Variants in SDK2 observed in about 807,000 individuals in gnomAD.
SDK2 encodes protein sidekick-2.
In SDK2, 105 loss-of-function variants were observed where a neutral mutation model predicts 253.9. That is an observed-to-expected ratio of 0.41 (90% CI 0.35 to 0.49). The LOEUF is 0.49. SDK2 is among the 20% of genes least tolerant of loss of function. The pLI, the probability that SDK2 is intolerant of heterozygous loss-of-function variation, is 0.06. For missense variants in SDK2, 2,608 were observed against 3,003.0 expected, an observed-to-expected ratio of 0.87 and a Z score of 3.07; for synonymous variants, 1,249 against 1,234.9, an observed-to-expected ratio of 1.01 and a Z score of -0.24.
chr17:73,526,625 A>G (rs1179189886), intron 1 of SDK2, among the ~76,000 whole-genome samples: 1 of 151,950 alleles, frequency 6.6e-6, no homozygotes, highest in East Asian at 1.9e-4. Flanking sequence ...GTGTGTGTGT[A>G]CATAGGTGTG....
In SDK2 at chr17:73,433,006, C is replaced by G. The variant is rs190299727; in HGVS notation, c.1312+726G>C. On this transcript the variant is annotated intron_variant, in intron 10 of 44. Transcript: ENST00000392650. Reference sequence around the variant, plus strand: ...GTTCCGCCATCTGGAGCCCTCTGAGCTGCCTGGGGTAGGAGACTGGCAGCA... The same window carrying G: ...GTTCCGCCATCTGGAGCCCTCTGAGGTGCCTGGGGTAGGAGACTGGCAGCA... 5.3e-5 allele frequency among the ~76,000 whole-genome samples: 8 copies of G among 152,238 alleles called. No homozygotes were observed. The East Asian group carries it at 1.5e-3, about 29-fold the overall frequency.
chr17:73,415,691 G>C, intron 17 of SDK2, 120 bp downstream of exon 17: 1 of 840,430 alleles, frequency 1.2e-6, no homozygotes, highest in Non-Finnish European at 1.8e-6. Flanking sequence ...GTCTCCCTAT[G>C]TTGCCCAGGC....
chr17:73,460,015 T>G (rs56808032), intron 3 of SDK2, among the ~76,000 whole-genome samples: 2,920 of 152,330 alleles, frequency 0.019, 108 homozygotes, highest in African/African-American at 0.065. Context: ...TACAGTATGA[T>G]GGACATTCCT....
chr17:73,388,540 C>T (rs888702282), intron 29 of SDK2, among the ~76,000 whole-genome samples: 6 of 152,106 alleles, frequency 3.9e-5, no homozygotes, highest in Non-Finnish European at 8.8e-5. Flanking sequence ...GACTCTGTGG[C>T]GGGGGCATCC....
intron 3 of SDK2, among the ~76,000 whole-genome samples, chr17:73,469,988 GCGCGCACACACACACACACA>G (rs1340056829): frequency 8.9e-6 from 1 of 112,366 alleles, no homozygotes; most frequent in Non-Finnish European, 1.8e-5. Context: ...GACTGCGCGC[GCGCGCACACACACACACACA>G]CACACACACA....
chr17:73,476,058 G>A (rs2063683963), intron 2 of SDK2, among the ~76,000 whole-genome samples: 1 of 152,198 alleles, frequency 6.6e-6, no homozygotes, highest in Non-Finnish European at 1.5e-5. Context: ...GTTGCAGTGA[G>A]CTGAGATTGC....
rs746344734 is a variant in SDK2, at chr17:73,338,835, G to C, written c.6271C>G (p.Gln2091Glu). The change falls in exon 45 of 45, where the codon CAG (glutamine) becomes GAG (glutamate). Residue 2091 changes from glutamine to glutamate, a missense_variant. Physicochemically the swap from Gln to Glu is conservative, Grantham distance 29. Around this residue, in one of 2 missense-constraint regions of SDK2, gnomAD observed 1,103 missense variants for 1,143.9 expected, o/e 0.96. Transcript: ENST00000392650. The surrounding 1 kb of genome is among the most constrained non-coding windows in gnomAD (Gnocchi z 5.0). ...GCCTGTGCCCTCGAGATGCCCTTCT[G>C]CTGTCGCCGCCACGAGTTGTAGTAT... ...PTYYNSWRRQ[Q>E]KGISRAQAYS... 1 of 1,613,994 alleles carries C rather than the reference G, an allele frequency of 6.2e-7. No individual in the cohort carries two copies. Among genetic ancestry groups the C allele is most frequent in the South Asian group, 1.1e-5 (1 of 91,080 alleles).
At chr17:73,521,999 G>A (rs1367013864) in intron 1 of SDK2, among the ~76,000 whole-genome samples, 1 of 152,188 alleles carries the variant, frequency 6.6e-6, no homozygotes, top group Admixed American at 6.5e-5. Context: ...CTGTGGAGTC[G>A]GAACTATTCA....
At position 73,415,967 on chromosome 17, in the gene SDK2, C is replaced by A; in HGVS notation, c.2212G>T (p.Gly738Trp). 1 of 1,611,178 alleles carries A rather than the reference C, an allele frequency of 6.2e-7. No homozygotes were observed. Among genetic ancestry groups the A allele is most frequent in the East Asian group, 2.2e-5 (1 of 44,746 alleles). ...TCCGTGATGTTCTTAAACTGGTACC[C>A]CACGGGCAGCCCGGCCAGGCAGTAC... ...IRYCLAGLPV[G>W]YQFKNITDAD... is the part of the protein sequence containing the mutation. The change falls in exon 17 of 45, where the codon GGG (glycine) becomes TGG (tryptophan). Residue 738 changes from glycine to tryptophan, a missense_variant. Coordinates refer to ENST00000392650, the MANE Select transcript of SDK2 (RefSeq NM_001144952.2).
intron 1 of SDK2, among the ~76,000 whole-genome samples, chr17:73,620,352 G>C (rs1352672761): frequency 6.6e-6 from 1 of 152,184 alleles, no homozygotes; most frequent in Admixed American, 6.5e-5. Context: ...CACCCACCAG[G>C]TCAGCTATAA....
chr17:73,599,466 C>T (rs934210582), intron 1 of SDK2, among the ~76,000 whole-genome samples: 6 of 151,586 alleles, frequency 4.0e-5, no homozygotes, highest in Middle Eastern at 3.4e-3. Context: ...ACCCAGGAGG[C>T]GGAGGCTGCA....
intron 1 of SDK2, among the ~76,000 whole-genome samples, chr17:73,607,434 G>A (rs116075402): frequency 8.5e-5 from 13 of 152,248 alleles, no homozygotes; most frequent in Middle Eastern, 3.4e-3. Flanking sequence ...GCCCTCATCC[G>A]GGCATTTGGG....
intron 1 of SDK2, among the ~76,000 whole-genome samples, chr17:73,537,903 C>T (rs2044805298): frequency 6.6e-6 from 1 of 152,178 alleles, no homozygotes; most frequent in African/African-American, 2.4e-5. Flanking sequence ...TCTCCATTCA[C>T]AAACCCCCCA....
At chr17:73,368,376 C>T (rs149250167) in intron 37 of SDK2, 31 bp downstream of exon 37, 5 of 1,447,398 alleles carry the variant, frequency 3.5e-6, no homozygotes, top group Admixed American at 2.5e-5. Context: ...GGCCGACCTA[C>T]CCCTCCCCTC....
chr17:73,410,294 G>A (rs12453612), intron 18 of SDK2, among the ~76,000 whole-genome samples: 144,874 of 152,088 alleles, frequency 0.95, 69,144 homozygotes, highest in Non-Finnish European at 0.99. Context: ...TGGTGTGATG[G>A]TAATATTCCT....
Position 73,335,865 on chromosome 17 carries a change from TTG to T in SDK2, c.*2720_*2721del, listed in dbSNP as rs1332012496. 5 of 152,292 alleles carry T rather than the reference TTG, an allele frequency of 3.3e-5. No individual in the cohort carries two copies. Among genetic ancestry groups the T allele is most frequent in the Non-Finnish European group, 2.9e-5 (2 of 68,046 alleles). The allele number at this position is 152,292 out of a possible 1,614,324, so 9.4% of individuals were successfully genotyped here. A position where few individuals can be genotyped will look rare whatever the true frequency, so the allele number is the denominator to read the frequency against. ...ATACAGATGTGTGTTCTGTGCATATTTGTGTGTGCATGTGTGTAAGCACAGGC... is the reference window on the plus strand; with the variant it reads ...ATACAGATGTGTGTTCTGTGCATATTTGTGTGCATGTGTGTAAGCACAGGC... On this transcript the variant is annotated 3_prime_UTR_variant, in exon 45 of 45. Transcript: ENST00000392650.
chr17:73,471,720 G>T (rs1197996573), intron 3 of SDK2, among the ~76,000 whole-genome samples: 1 of 152,182 alleles, frequency 6.6e-6, no homozygotes, highest in African/African-American at 2.4e-5. Context: ...GTGTGAGGTG[G>T]ACCACAGAGG....
intron 1 of SDK2, among the ~76,000 whole-genome samples, chr17:73,586,513 C>T (rs1033230917): frequency 2.6e-5 from 4 of 152,108 alleles, no homozygotes; most frequent in Non-Finnish European, 5.9e-5. Flanking sequence ...ATCTTATCTC[C>T]TCCTCGAGCC....
chr17:73,553,499 C>T (rs1447617654), intron 1 of SDK2, among the ~76,000 whole-genome samples: 1 of 152,200 alleles, frequency 6.6e-6, no homozygotes, highest in Non-Finnish European at 1.5e-5. Flanking sequence ...GCCCTGCCGG[C>T]TGCACCTATT....
Sources: gnomAD v4.1 joint callset for allele counts (sites outside exome capture counted in the v4.1 genomes callset) on GRCh38, gnomAD v4.1.1 for gene constraint, gnomAD v4.1.1 regional missense constraint, Gnocchi (gnomAD v3.1) non-coding constraint, MANE v1.5 for transcripts, NCBI Gene and HGNC (gene_info 2026-07-23, HGNC 2026-07-21) for gene names.